Variants in ASIC2 observed in about 807,000 individuals in gnomAD.
ASIC2 encodes acid-sensing ion channel 2.
Under a neutral mutation model 57.3 loss-of-function variants are expected in ASIC2, and 25 were observed. The ratio of observed to expected loss-of-function variants is 0.44; its 90% CI spans 0.32 to 0.61. The LOEUF (loss-of-function observed/expected upper bound fraction) is 0.61. Ranked by LOEUF, ASIC2 falls within the 20% of genes least tolerant of loss-of-function variation. The pLI is 0.06. For missense variants in ASIC2, 641 were observed against 738.1 expected (o/e 0.87, Z 1.52); for synonymous variants, 319 against 307.5 (o/e 1.04, Z -0.39).
At chr17:33,385,711 C>A (rs1013406971) in intron 1 of ASIC2, among the ~76,000 whole-genome samples, 1 of 152,164 alleles carries the variant, frequency 6.6e-6, no homozygotes, top group African/African-American at 2.4e-5. Context: ...GAAGCTTTGC[C>A]TGGTGAAGCT....
At chr17:34,022,279 T>C (rs1175985787) in intron 1 of ASIC2, among the ~76,000 whole-genome samples, 4 of 152,170 alleles carry the variant, frequency 2.6e-5, no homozygotes, top group African/African-American at 9.7e-5. Context: ...CAGCATTCTG[T>C]CCAAGTTCAC....
chr17:33,974,593 T>C (rs2142000271), intron 1 of ASIC2, among the ~76,000 whole-genome samples: 1 of 142,268 alleles, frequency 7.0e-6, no homozygotes, highest in South Asian at 2.3e-4. Context: ...TGTTAGGTGA[T>C]AGGAACCTAT....
intron 1 of ASIC2, among the ~76,000 whole-genome samples, chr17:33,571,516 G>A (rs1052101964): frequency 6.6e-6 from 1 of 152,160 alleles, no homozygotes; most frequent in African/African-American, 2.4e-5. Flanking sequence ...CAAACCCATT[G>A]ATAACCCCTC....
chr17:34,043,687 T>G (rs200415452), intron 1 of ASIC2, among the ~76,000 whole-genome samples: 1 of 152,218 alleles, frequency 6.6e-6, no homozygotes, highest in East Asian at 1.9e-4. Context: ...ATTTAATGAT[T>G]TCTCACAAGT....
At chr17:33,890,509 C>T (rs1225649868) in intron 1 of ASIC2, among the ~76,000 whole-genome samples, 2 of 152,182 alleles carry the variant, frequency 1.3e-5, no homozygotes, top group Non-Finnish European at 2.9e-5. Context: ...CTCAAGAAAC[C>T]CTGTGCACAC....
chr17:34,025,753 G>A (rs1426001829), intron 1 of ASIC2, among the ~76,000 whole-genome samples: 1 of 151,472 alleles, frequency 6.6e-6, no homozygotes, highest in African/African-American at 2.5e-5. Context: ...AACTCTCTAA[G>A]CCTCAGTTTC....
At chr17:34,039,824 C>G (rs758001991) in intron 1 of ASIC2, 13 of 1,608,658 alleles carry the variant, frequency 8.1e-6, no homozygotes, top group Non-Finnish European at 1.1e-5. Flanking sequence ...AACCTGGCCT[C>G]CAATAATTTC....
At chr17:33,462,866 G>A (rs143023102) in intron 1 of ASIC2, among the ~76,000 whole-genome samples, 4 of 152,266 alleles carry the variant, frequency 2.6e-5, no homozygotes, top group South Asian at 2.1e-4. Context: ...TCTACTTTGC[G>A]GCTAGATGTT....
intron 1 of ASIC2, among the ~76,000 whole-genome samples, chr17:33,838,240 G>A (rs1194319095): frequency 1.3e-5 from 2 of 152,152 alleles, no homozygotes; most frequent in African/African-American, 4.8e-5. Context: ...AACTGAGTTA[G>A]GTTGAAATGA....
At chr17:33,735,355 G>A (rs575379379) in intron 1 of ASIC2, among the ~76,000 whole-genome samples, 59 of 152,248 alleles carry the variant, frequency 3.9e-4, no homozygotes, top group African/African-American at 1.4e-3. Flanking sequence ...AGTGTGAAGG[G>A]CTCCGTGCTT....
rs181885661 is a variant in ASIC2, at chr17:33,789,925, G to A, written c.555+366053C>T. On this transcript the variant is annotated intron_variant, in intron 1 of 9. Coordinates refer to the ASIC2 transcript ENST00000359872. ...CCAGGTCATGGAGTTATATGAATAA[G>A]TCCTATAGCATCTAGTGCAGAATGA... Among the ~76,000 whole-genome samples the A allele has an allele frequency of 5.9e-5, 9 of 152,312 alleles. No homozygotes were observed. In the East Asian group the frequency reaches 1.7e-3, roughly 29 times the overall value.
chr17:34,039,774 C>G (rs1908035055), intron 1 of ASIC2: 1 of 1,611,638 alleles, frequency 6.2e-7, no homozygotes, highest in Non-Finnish European at 8.5e-7. Flanking sequence ...GGTTGGAAGA[C>G]TCACTATTAA....
At chr17:33,046,420 A>C (rs947418701) in intron 3 of ASIC2, among the ~76,000 whole-genome samples, 3 of 152,192 alleles carry the variant, frequency 2.0e-5, no homozygotes, top group Non-Finnish European at 2.9e-5. Context: ...CTTTTGCTCT[A>C]TTCAAAATCC....
intron 1 of ASIC2, among the ~76,000 whole-genome samples, chr17:33,339,012 A>G (rs1164245176): frequency 5.9e-5 from 9 of 152,184 alleles, no homozygotes; most frequent in African/African-American, 1.9e-4. Context: ...GACAATATGA[A>G]TATATTTAAC....
chr17:33,613,230 C>T (rs1905471105), intron 1 of ASIC2, among the ~76,000 whole-genome samples: 1 of 152,254 alleles, frequency 6.6e-6, no homozygotes, highest in Non-Finnish European at 1.5e-5. Flanking sequence ...TGTGGTAGAA[C>T]CTTCAAATAA....
Position 33,530,740 on chromosome 17 carries a change from C to A in ASIC2, c.556-418673G>T, listed in dbSNP as rs1035581615. Reference sequence around the variant, plus strand: ...GGAGACAGAGGTAGGCCAGCTTTGCCAGGTCATGCAGGACCAACCTCACAG... The same window carrying A: ...GGAGACAGAGGTAGGCCAGCTTTGCAAGGTCATGCAGGACCAACCTCACAG... On this transcript the variant is annotated intron_variant, in intron 1 of 9. Transcript: ENST00000359872. 6.6e-5 allele frequency among the ~76,000 whole-genome samples: 10 copies of A among 152,300 alleles called. 1 individual carries two copies. In the South Asian group the frequency reaches 2.1e-3, roughly 32 times the overall value.
At chr17:33,040,409 G>A (rs1283286794) in intron 3 of ASIC2, among the ~76,000 whole-genome samples, 2 of 152,180 alleles carry the variant, frequency 1.3e-5, no homozygotes, top group East Asian at 1.9e-4. Flanking sequence ...GAGCACTATT[G>A]GGGCAGGAAT....
At chr17:33,412,904 G>T (rs1910713989) in intron 1 of ASIC2, among the ~76,000 whole-genome samples, 1 of 152,132 alleles carries the variant, frequency 6.6e-6, no homozygotes, top group Non-Finnish European at 1.5e-5. Flanking sequence ...TTAGCTAATG[G>T]CTAAACCAGA....
intron 1 of ASIC2, among the ~76,000 whole-genome samples, chr17:33,757,603 C>T (rs991890357): frequency 1.3e-5 from 2 of 152,192 alleles, no homozygotes; most frequent in African/African-American, 4.8e-5. Flanking sequence ...CAGCTGACCC[C>T]ACAACAAATA....
Sources: allele counts gnomAD v4.1 joint callset (sites outside exome capture counted in the v4.1 genomes callset), GRCh38; gene constraint gnomAD v4.1.1; transcripts MANE v1.5; gene names NCBI Gene and HGNC (gene_info 2026-07-23, HGNC 2026-07-21).